Variants in SLC12A7 observed in about 807,000 individuals in gnomAD.
SLC12A7 encodes the protein K-Cl cotransporter 4.
A neutral mutation model predicts 120.6 loss-of-function variants in SLC12A7; 100 were observed. The ratio of observed to expected loss-of-function variants is 0.83; its 90% CI spans 0.71 to 0.98. The LOEUF is 0.98. Among genes scored for constraint, SLC12A7 ranks in the 50% least tolerant of loss-of-function variants. SLC12A7 has a pLI of 0.00. For missense variants in SLC12A7, 1,373 were observed against 1,548.1 expected, an observed-to-expected ratio of 0.89 and a Z score of 1.90; for synonymous variants, 760 against 678.0, an observed-to-expected ratio of 1.12 and a Z score of -1.88.
chr5:1,125,977 T>C, the SLC12A7 span, among the ~76,000 whole-genome samples: 1 of 151,660 alleles, frequency 6.6e-6, no homozygotes, highest in Non-Finnish European at 1.5e-5. Flanking sequence ...TCTTCATTAA[T>C]TTAATTGTTA....
rs1163209423 is a variant in SLC12A7 at position 1,074,577 on chromosome 5, T to C, written c.2062A>G (p.Lys688Glu). Residue 688 changes from lysine (K) to glutamate (E), a missense_variant, in exon 16 of 24, where the codon AAG becomes GAG. Coordinates refer to ENST00000264930, the MANE Select transcript of SLC12A7 (RefSeq NM_006598.3). ...ATGGGCGGTGCTCACCTCCAGTTCTTGGTGTGGGGGGGACCGTGCTCCACG... is the reference window on the plus strand; with the variant it reads ...ATGGGCGGTGCTCACCTCCAGTTCTCGGTGTGGGGGGGACCGTGCTCCACG... ...LRVEHGPPHT[K>E]NWRPQVLVML... The C allele has an allele frequency of 1.2e-6, 2 of 1,611,724 alleles. No homozygotes were observed. The highest frequency in any genetic ancestry group is 1.7e-6 in the Non-Finnish European group (2 of 1,179,232).
At chr5:1,138,103 G>T in the SLC12A7 span, among the ~76,000 whole-genome samples, 1 of 152,188 alleles carries the variant, frequency 6.6e-6, no homozygotes, top group African/African-American at 2.4e-5. Context: ...CTTCAAGAAT[G>T]AAGTCCCAGA....
At chr5:1,109,704 G>C (rs1177642028) in intron 1 of SLC12A7, among the ~76,000 whole-genome samples, 1 of 152,198 alleles carries the variant, frequency 6.6e-6, no homozygotes, top group African/African-American at 2.4e-5. Flanking sequence ...GGGACACCAA[G>C]GCCCCTGCTC....
At chr5:1,114,996 A>G (rs1372937064), upstream of SLC12A7, among the ~76,000 whole-genome samples, 2 of 152,168 alleles carry the variant, frequency 1.3e-5, no homozygotes, top group Non-Finnish European at 2.9e-5. Context: ...GTCAGTTTCC[A>G]CAACGGTGAA....
rs532684701 is a variant in SLC12A7, at chr5:1,051,300, G to A, written c.*1060C>T. On this transcript the variant is annotated 3_prime_UTR_variant, in exon 24 of 24. Coordinates refer to ENST00000264930, the MANE Select transcript of SLC12A7 (RefSeq NM_006598.3). ...CTGCTGCCTGAGGACCTCCCACGTC[G>A]GGTCCGTGTCCTCCTTCCCTGGAGC... is the stretch of plus-strand genomic sequence containing the variant. 8.6e-5 allele frequency: 16 copies of A among 185,288 alleles called. No individual in the cohort carries two copies. Among genetic ancestry groups the A allele is most frequent in the Admixed American group, 1.2e-4 (2 of 16,194 alleles). 11.5% of individuals were successfully genotyped at this position (185,288 alleles called of 1,614,324 possible).
At position 1,085,351 on chromosome 5, in the gene SLC12A7, G is replaced by A. The variant is rs1561078958; in HGVS notation, c.798C>T (p.Val266=). Residue 266 remains valine, a synonymous_variant, in exon 7 of 24, where the codon GTC becomes GTT. Transcript: ENST00000264930. ...TCTLVLMALV[V]FVGVKYVNKL... ...TGTTGACATACTTGACGCCCACGAA[G>A]ACCACCAGGGCCATGAGCACGAGCG... 3.7e-6 allele frequency: 6 copies of A among 1,612,590 alleles called. No individual in the cohort carries two copies. The highest frequency in any genetic ancestry group is 5.1e-6 in the Non-Finnish European group (6 of 1,179,864).
At chr5:1,069,869 C>T (rs565572580) in intron 17 of SLC12A7, among the ~76,000 whole-genome samples, 15 of 152,220 alleles carry the variant, frequency 9.9e-5, no homozygotes, top group East Asian at 7.7e-4. Flanking sequence ...CTGGGGCAGC[C>T]GACTGCAGCA....
the SLC12A7 span, among the ~76,000 whole-genome samples, chr5:1,140,119 G>A: frequency 1.3e-5 from 2 of 152,302 alleles, no homozygotes; most frequent in African/African-American, 4.8e-5. Flanking sequence ...CCCCAGAGGC[G>A]CCGTCCTGCC....
chr5:1,060,046 C>A (rs1348828876), intron 21 of SLC12A7, among the ~76,000 whole-genome samples: 3 of 152,230 alleles, frequency 2.0e-5, no homozygotes, highest in Non-Finnish European at 4.4e-5. Context: ...AAGCTAAGTT[C>A]AAAGGTCTCG....
chr5:1,066,677 G>A (rs1292044317), intron 17 of SLC12A7, among the ~76,000 whole-genome samples: 2 of 152,220 alleles, frequency 1.3e-5, no homozygotes, highest in Non-Finnish European at 2.9e-5. Context: ...GGGCCCTGAA[G>A]CCACTGACAA....
At chr5:1,073,610 C>A in intron 17 of SLC12A7, 23 bp downstream of exon 17, 2 of 1,583,374 alleles carry the variant, frequency 1.3e-6, no homozygotes, top group Non-Finnish European at 1.7e-6. Flanking sequence ...AGAGGCCTGG[C>A]CCCCAGACCC....
chr5:1,154,102 C>T, the SLC12A7 span, among the ~76,000 whole-genome samples: 13 of 151,972 alleles, frequency 8.6e-5, no homozygotes, highest in African/African-American at 2.2e-4. Flanking sequence ...CATCTCCACA[C>T]GCATGTGTTC....
Position 1,085,302 on chromosome 5 carries a change from A to G in SLC12A7, c.847T>C (p.Cys283Arg). The G allele has an allele frequency of 6.2e-7, 1 of 1,612,560 alleles. No homozygotes were observed. The highest frequency in any genetic ancestry group is 8.5e-7 in the Non-Finnish European group (1 of 1,179,856). Residue 283 changes from cysteine (C) to arginine (R), a missense_variant, in exon 7 of 24, where the codon TGC (cysteine) becomes CGC (arginine). Coordinates refer to ENST00000264930, the MANE Select transcript of SLC12A7 (RefSeq NM_006598.3). ...VNKLALVFLA[C>R]VVLSILAIYA... ...ATGGCCAGGATGGACAGCACGACGCAGGCCAGGAAGACCAGCGCCAGCTTG... is the reference window on the plus strand; with the variant it reads ...ATGGCCAGGATGGACAGCACGACGCGGGCCAGGAAGACCAGCGCCAGCTTG...
rs1401553879 is a variant in SLC12A7, at chr5:1,065,433, G to A, written c.2287C>T (p.Gln763Ter). The A allele has an allele frequency of 6.2e-7, 1 of 1,611,426 alleles. No individual in the cohort carries two copies. The highest frequency in any genetic ancestry group is 2.2e-5 in the East Asian group (1 of 44,848). The change falls in exon 18 of 24, where the codon CAG (glutamine) becomes TAG (stop). Residue 763 changes from glutamine (Q) to a stop codon, truncating the protein, a stop_gained. Transcript: ENST00000264930. LOFTEE classifies it high-confidence loss of function. ...CGCAGGCTGGACGAGACCACCAGCT[G>A]GCAGAAGCCCTTGGTCTTCTCTGTG... ...MSTEKTKGFC[Q>*]LVVSSSLRDG...
intron 14 of SLC12A7, chr5:1,075,877 G>A: frequency 1.9e-6 from 1 of 529,782 alleles, no homozygotes; most frequent in Non-Finnish European, 3.3e-6. Context: ...GAGGTACAAG[G>A]CACATGCAGA....
chr5:1,153,679 C>A, the SLC12A7 span, among the ~76,000 whole-genome samples: 7 of 152,194 alleles, frequency 4.6e-5, no homozygotes, highest in Admixed American at 2.6e-4. Flanking sequence ...TGAGGACGCC[C>A]GAGAACCCTG....
At chr5:1,113,126 A>G (rs1743168020), upstream of SLC12A7, among the ~76,000 whole-genome samples, 1 of 152,350 alleles carries the variant, frequency 6.6e-6, no homozygotes, top group East Asian at 1.9e-4. Context: ...ATGTCCGTCA[A>G]TGGGGAATTG....
At chr5:1,143,071 C>A in the SLC12A7 span, among the ~76,000 whole-genome samples, 4 of 152,186 alleles carry the variant, frequency 2.6e-5, no homozygotes, top group Admixed American at 6.5e-5. Flanking sequence ...GTGACACGGG[C>A]CTTCCTTCCC....
At chr5:1,099,150 G>A (rs970844165) in intron 1 of SLC12A7, among the ~76,000 whole-genome samples, 1 of 152,178 alleles carries the variant, frequency 6.6e-6, no homozygotes, top group Non-Finnish European at 1.5e-5. Flanking sequence ...GCAGGGTGAA[G>A]CGGGGGCGAG....
Sources: gnomAD v4.1 joint callset for allele counts (sites outside exome capture counted in the v4.1 genomes callset) on GRCh38, gnomAD v4.1.1 for gene constraint, MANE v1.5 for transcripts, NCBI Gene and HGNC (gene_info 2026-07-23, HGNC 2026-07-21) for gene names.